Variants in MRC1 observed in about 807,000 individuals in gnomAD.
MRC1 encodes the protein mannose receptor C-type 1.
MRC1 carries 62 observed loss-of-function variants against 102.9 expected under a neutral mutation model. The observed-to-expected ratio is 0.60, with a 90% confidence interval of 0.49 to 0.74. MRC1 has a LOEUF of 0.74. Ranked by LOEUF, MRC1 falls within the 30% of genes least tolerant of loss-of-function variation. The pLI, the probability that MRC1 is intolerant of heterozygous loss-of-function variation, is 0.00. For synonymous variants in MRC1, 457 were observed against 298.4 expected, an observed-to-expected ratio of 1.53 and a Z score of -5.48; for missense variants, 1,237 against 862.8, an observed-to-expected ratio of 1.43 and a Z score of -5.43.
At chr10:17,812,252 T>C (rs1289896154) in intron 1 of MRC1, among the ~76,000 whole-genome samples, 1 of 152,166 alleles carries the variant, frequency 6.6e-6, no homozygotes, top group East Asian at 1.9e-4. Context: ...ACTATCTTTT[T>C]AGCACTCAGC....
chr10:17,867,667 C>T (rs1439326822), intron 12 of MRC1, among the ~76,000 whole-genome samples: 3 of 152,124 alleles, frequency 2.0e-5, no homozygotes, highest in Non-Finnish European at 4.4e-5. Context: ...AATTGATCCT[C>T]CCACATAGAC....
chr10:17,840,581 G>A (rs1036814698), intron 4 of MRC1, 112 bp from the exon 5 acceptor site: 11 of 734,016 alleles, frequency 1.5e-5, no homozygotes, highest in African/African-American at 6.9e-5. Flanking sequence ...CATGATTATT[G>A]TTACTTCCCT....
chr10:17,845,658 A>G (rs1335499063), intron 6 of MRC1, among the ~76,000 whole-genome samples: 1 of 152,138 alleles, frequency 6.6e-6, no homozygotes, highest in Non-Finnish European at 1.5e-5. Context: ...CTAAATAAAA[A>G]TGTTACCTTC....
intron 1 of MRC1, among the ~76,000 whole-genome samples, chr10:17,821,717 G>C (rs1838399294): frequency 6.6e-6 from 1 of 152,114 alleles, no homozygotes; most frequent in African/African-American, 2.4e-5. Context: ...GGGGTGTTCA[G>C]AACAGGATAT....
At chr10:17,909,270 C>G (rs1554844081) in intron 28 of MRC1, 36 bp from the exon 29 acceptor site, 1 of 831,048 alleles carries the variant, frequency 1.2e-6, no homozygotes, top group South Asian at 1.3e-5. Context: ...TGCAATTATT[C>G]TGGGTTTTTA....
At chr10:17,880,747 T>G in intron 20 of MRC1, 77 bp downstream of exon 20, 1 of 776,990 alleles carries the variant, frequency 1.3e-6, no homozygotes, top group Non-Finnish European at 2.4e-6. Context: ...CAAAGTTAAC[T>G]TTTGCTAGCC....
chr10:17,848,525 T>G (rs1276616640), intron 6 of MRC1, among the ~76,000 whole-genome samples: 2 of 152,204 alleles, frequency 1.3e-5, no homozygotes, highest in East Asian at 3.8e-4. Context: ...ATCCTATTAG[T>G]AGCGAGGCTG....
At chr10:17,873,530 C>G (rs1359676365) in intron 15 of MRC1, among the ~76,000 whole-genome samples, 1 of 151,688 alleles carries the variant, frequency 6.6e-6, no homozygotes, top group Non-Finnish European at 1.5e-5. Flanking sequence ...CTACTTGTGC[C>G]TGAAAACTGT....
chr10:17,887,068 A>G (rs1233757546), intron 22 of MRC1, among the ~76,000 whole-genome samples: 2 of 152,210 alleles, frequency 1.3e-5, no homozygotes, highest in African/African-American at 4.8e-5. Context: ...CTGGTGATGG[A>G]GCCAGACAGC....
In MRC1 at chr10:17,902,104, C is replaced by A; in HGVS notation, c.3781C>A (p.Leu1261Met). 1 of 780,670 alleles carries A rather than the reference C, an allele frequency of 1.3e-6. No homozygotes were observed. The highest frequency in any genetic ancestry group is 2.4e-6 in the Non-Finnish European group (1 of 417,896). The allele number at this position is 780,670 out of a possible 1,614,324, so 48.4% of individuals were successfully genotyped here. ...TACAAGAAACTGGGGCCAAGCTTCT[C>A]TGGAATGTCTTCGAATGGGTGAGTG... Reference protein sequence around the residue: ...SYTRNWGQASLECLRMGSSLV... With the variant: ...SYTRNWGQASMECLRMGSSLV... Residue 1261 changes from leucine to methionine, a missense_variant, in exon 26 of 30, where the codon CTG (leucine) becomes ATG (methionine). Transcript: ENST00000569591.
Position 17,831,315 on chromosome 10 carries a change from T to G in MRC1, c.638-2360T>G, listed in dbSNP as rs1277257756. ...TTGAATGGTCTCACCGACATACACA[T>G]GAAACTTGCAACACCTCAGATCATT... is the stretch of plus-strand genomic sequence containing the variant. On this transcript the variant is annotated intron_variant, in intron 3 of 29. Coordinates refer to ENST00000569591, the MANE Select transcript of MRC1 (RefSeq NM_002438.4). Among the ~76,000 whole-genome samples, 4 of 151,402 alleles carry G rather than the reference T, an allele frequency of 2.6e-5. 1 individual carries two copies. The highest frequency in any genetic ancestry group is 7.4e-5 in the African/African-American group (3 of 40,700).
chr10:17,874,871 A>G (rs1653031291), intron 16 of MRC1, among the ~76,000 whole-genome samples: 1 of 152,188 alleles, frequency 6.6e-6, no homozygotes, highest in Non-Finnish European at 1.5e-5. Context: ...AGCTGGGAAT[A>G]CAAAATGGGT....
intron 3 of MRC1, among the ~76,000 whole-genome samples, chr10:17,828,618 A>C (rs1182047713): frequency 3.3e-5 from 5 of 151,574 alleles, no homozygotes; most frequent in Non-Finnish European, 7.3e-5. Context: ...TGTTCTTCAC[A>C]GTGAAAATGA....
At chr10:17,864,989 C>T (rs956127314) in intron 11 of MRC1, among the ~76,000 whole-genome samples, 128 of 152,184 alleles carry the variant, frequency 8.4e-4, no homozygotes, top group African/African-American at 3.0e-3. Flanking sequence ...TTTGATTTAC[C>T]CTCCCTAGTA....
chr10:17,812,951 A>C (rs1299874012), intron 1 of MRC1, among the ~76,000 whole-genome samples: 1 of 152,122 alleles, frequency 6.6e-6, no homozygotes, highest in Non-Finnish European at 1.5e-5. Context: ...GCGCTCAAAC[A>C]GTGGGTCAGG....
chr10:17,817,155 C>G (rs1479826102), intron 1 of MRC1, among the ~76,000 whole-genome samples: 1 of 150,248 alleles, frequency 6.7e-6, no homozygotes, highest in African/African-American at 2.5e-5. Context: ...GAGGCTGAGG[C>G]ACGAGAATCG....
intron 26 of MRC1, among the ~76,000 whole-genome samples, chr10:17,905,301 T>C (rs1023914984): frequency 3.3e-5 from 5 of 152,226 alleles, no homozygotes; most frequent in Non-Finnish European, 7.3e-5. Context: ...CAAGACACAG[T>C]CATTTTTCTT....
intron 1 of MRC1, among the ~76,000 whole-genome samples, chr10:17,813,701 T>TATATATATATATA (rs199643443): frequency 2.7e-3 from 287 of 107,244 alleles, no homozygotes; most frequent in South Asian, 4.7e-3. Flanking sequence ...TATATATATA[T>TATATATATATATA]TTTTTTTTTT....
intron 17 of MRC1, among the ~76,000 whole-genome samples, chr10:17,876,246 CTTTTT>C (rs1323985210): frequency 7.2e-6 from 1 of 138,726 alleles, no homozygotes; most frequent in Non-Finnish European, 1.6e-5. Flanking sequence ...AACTCAGAAT[CTTTTT>C]TTTTTTTTTT....
Sources: gnomAD v4.1 joint callset for allele counts (sites outside exome capture counted in the v4.1 genomes callset) on GRCh38, gnomAD v4.1.1 for gene constraint, MANE v1.5 for transcripts, NCBI Gene and HGNC (gene_info 2026-07-23, HGNC 2026-07-21) for gene names.